Variants in TENM3 observed in about 807,000 individuals in gnomAD.
The protein encoded by TENM3 is teneurin transmembrane protein 3.
In TENM3, 63 loss-of-function variants were observed where a neutral mutation model predicts 255.1. The ratio of observed to expected loss-of-function variants is 0.25; its 90% CI spans 0.20 to 0.30. The LOEUF (loss-of-function observed/expected upper bound fraction) is 0.30. TENM3 is among the 10% of genes least tolerant of loss of function. The pLI is 1.00. For missense variants in TENM3, 2,929 were observed against 3,461.1 expected (o/e 0.85, Z 3.86); for synonymous variants, 1,306 against 1,322.3 (o/e 0.99, Z 0.27).
chr4:182,470,292 A>G (rs888501187), intron 3 of TENM3, among the ~76,000 whole-genome samples: 1 of 152,322 alleles, frequency 6.6e-6, no homozygotes, highest in East Asian at 1.9e-4. Context: ...GTATTTTAGA[A>G]GTTTGTTTAT....
chr4:182,758,420 G>GT (rs1762887741), intron 22 of TENM3, among the ~76,000 whole-genome samples: 1 of 152,146 alleles, frequency 6.6e-6, no homozygotes, highest in Non-Finnish European at 1.5e-5. Flanking sequence ...TATTGTCTGT[G>GT]TAAGTTTGAG....
At chr4:181,810,175 G>A in the TENM3 span, among the ~76,000 whole-genome samples, 4 of 152,098 alleles carry the variant, frequency 2.6e-5, no homozygotes, top group South Asian at 6.2e-4. Context: ...GAGAAAAGCA[G>A]CACTCTCTAA....
intron 1 of TENM3, among the ~76,000 whole-genome samples, chr4:182,262,767 G>A (rs929798587): frequency 3.6e-5 from 5 of 140,742 alleles, no homozygotes; most frequent in Non-Finnish European, 6.0e-5. Flanking sequence ...AGGCTGGAAT[G>A]CAGTGGCCTG....
chr4:181,871,977 A>G, the TENM3 span, among the ~76,000 whole-genome samples: 1 of 152,012 alleles, frequency 6.6e-6, no homozygotes, highest in Non-Finnish European at 1.5e-5. Flanking sequence ...TTTTGCTAAA[A>G]CTTATTTATG....
At chr4:182,027,622 C>T in the TENM3 span, among the ~76,000 whole-genome samples, 4 of 150,774 alleles carry the variant, frequency 2.7e-5, no homozygotes, top group African/African-American at 9.7e-5. Context: ...TCATATATGG[C>T]TTTTATTATG....
chr4:181,475,909 G>T, the TENM3 span, among the ~76,000 whole-genome samples: 1 of 152,152 alleles, frequency 6.6e-6, no homozygotes, highest in African/African-American at 2.4e-5. Flanking sequence ...TCTGGCAAGG[G>T]GCACCGGGTT....
chr4:181,828,022 G>T, the TENM3 span, among the ~76,000 whole-genome samples: 3 of 152,162 alleles, frequency 2.0e-5, no homozygotes, highest in Non-Finnish European at 2.9e-5. Context: ...CAGAAAGAGA[G>T]TTCTGCCTGC....
intron 4 of TENM3, among the ~76,000 whole-genome samples, chr4:182,601,704 T>C (rs1747893072): frequency 6.6e-6 from 1 of 152,230 alleles, no homozygotes; most frequent in Non-Finnish European, 1.5e-5. Flanking sequence ...TAAAGTTCCT[T>C]GCAGGATTAT....
chr4:182,604,556 G>T (rs935955390), intron 4 of TENM3, among the ~76,000 whole-genome samples: 2 of 152,100 alleles, frequency 1.3e-5, no homozygotes, highest in African/African-American at 4.8e-5. Context: ...CTTAGAATTG[G>T]CCCAGTACAG....
chr4:181,594,411 A>G, the TENM3 span, among the ~76,000 whole-genome samples: 3 of 152,216 alleles, frequency 2.0e-5, no homozygotes, highest in African/African-American at 7.2e-5. Flanking sequence ...CTCAAGCTTT[A>G]TATTACTTGA....
chr4:181,852,798 C>T, the TENM3 span, among the ~76,000 whole-genome samples: 1 of 152,152 alleles, frequency 6.6e-6, no homozygotes, highest in Non-Finnish European at 1.5e-5. Context: ...AATCCTGGTT[C>T]CTGTTTTACA....
chr4:182,486,316 G>GC (rs1448191386), intron 3 of TENM3, among the ~76,000 whole-genome samples: 1 of 25,338 alleles, frequency 3.9e-5, no homozygotes, highest in South Asian at 1.9e-3. Context: ...AATTGTGTGT[G>GC]GGGGGGAGGG....
chr4:182,443,977 T>C (rs1041598352), intron 3 of TENM3, among the ~76,000 whole-genome samples: 2 of 152,184 alleles, frequency 1.3e-5, no homozygotes, highest in Non-Finnish European at 2.9e-5. Context: ...CCTTTAGAAA[T>C]GATTTCAGAT....
intron 1 of TENM3, among the ~76,000 whole-genome samples, chr4:182,177,316 C>T (rs1752558619): frequency 1.3e-5 from 2 of 152,046 alleles, no homozygotes; most frequent in African/African-American, 2.4e-5. Context: ...CAAACACTTT[C>T]ACTTTCTCAA....
At chr4:182,724,365 ATAC>A (rs1759997806) in intron 13 of TENM3, among the ~76,000 whole-genome samples, 1 of 152,242 alleles carries the variant, frequency 6.6e-6, no homozygotes, top group South Asian at 2.1e-4. Flanking sequence ...TGCCGTATAA[ATAC>A]AGACCAAAAA....
At chr4:182,593,808 T>G (rs1016685342) in intron 3 of TENM3, among the ~76,000 whole-genome samples, 16 of 152,130 alleles carry the variant, frequency 1.1e-4, no homozygotes, top group African/African-American at 3.6e-4. Flanking sequence ...CACCAAGATA[T>G]TTTCATCTCA....
Position 182,501,839 on chromosome 4 carries a change from A to G in TENM3, c.512-99085A>G, listed in dbSNP as rs1048004087. ...ACTTTAAAGCCATAGATTGTACTCA[A>G]ATTGTATTTATTCTTTTCATTCAGC... is the stretch of plus-strand genomic sequence containing the variant. On this transcript the variant is annotated intron_variant, in intron 3 of 27. Transcript: ENST00000511685. Among the ~76,000 whole-genome samples the G allele has an allele frequency of 1.3e-5, 2 of 152,026 alleles. 1 individual carries two copies. Among genetic ancestry groups the G allele is most frequent in the Admixed American group, 1.3e-4 (2 of 15,264 alleles).
rs1554023590 is a variant in TENM3 at position 182,161,806 on chromosome 4, C to CACAA, written c.-76+17053_-76+17054insCAAA. Reference sequence around the variant, plus strand: ...ACACAAATATATGTATATATATACACATATATATGTATATATATACACATA... The same window carrying CACAA: ...ACACAAATATATGTATATATATACACACAAATATATATGTATATATATACACATA... On this transcript the variant is annotated intron_variant, in intron 1 of 2. Transcript: ENST00000512480. Among the ~76,000 whole-genome samples, 24 of 15,848 alleles carry CACAA rather than the reference C, an allele frequency of 1.5e-3. 2 individuals carry two copies. Among genetic ancestry groups the CACAA allele is most frequent in the Non-Finnish European group, 1.9e-3 (15 of 8,106 alleles). The allele number at this position is 15,848 out of a possible 152,430, so 10.4% of individuals were successfully genotyped here.
At chr4:181,711,232 T>C in the TENM3 span, among the ~76,000 whole-genome samples, 2 of 152,196 alleles carry the variant, frequency 1.3e-5, no homozygotes, top group Non-Finnish European at 2.9e-5. Flanking sequence ...TTGAAATTAT[T>C]GCAAATAATT....
Sources: allele counts gnomAD v4.1 joint callset (sites outside exome capture counted in the v4.1 genomes callset), GRCh38; gene constraint gnomAD v4.1.1; transcripts MANE v1.5; gene names NCBI Gene and HGNC (gene_info 2026-07-23, HGNC 2026-07-21).